CELF1: variants seen among roughly 807,000 people sequenced by gnomAD.
The protein encoded by CELF1 is 50 kDa nuclear polyadenylated RNA-binding protein.
In CELF1, 10 loss-of-function variants were observed where a neutral mutation model predicts 61.8. The ratio of observed to expected loss-of-function variants is 0.16; its 90% confidence interval spans 0.10 to 0.27. The LOEUF (loss-of-function observed/expected upper bound fraction) is 0.27. CELF1 is among the 10% of genes least tolerant of loss of function. The pLI is 1.00. For missense variants in CELF1, 380 were observed against 639.1 expected (o/e 0.59, Z 4.37); for synonymous variants, 236 against 225.1 (o/e 1.05, Z -0.43).
chr11:47,483,340 G>T, intron 8 of CELF1, 113 bp downstream of exon 8: 1 of 773,326 alleles, frequency 1.3e-6, no homozygotes, highest in East Asian at 2.5e-5. Context: ...TAAGATGTTG[G>T]CTGTTTAACC....
Position 47,493,626 on chromosome 11 carries a change from A to G in CELF1, c.72-4602T>C, listed in dbSNP as rs533873348. On this transcript the variant is annotated intron_variant, in intron 3 of 14. Transcript: ENST00000687097. ...AATTTTTACAGAAATTAGACTGAGC[A>G]ATTTTGTATTTGTTCAGTCTAGTAA... 1.2e-4 allele frequency among the ~76,000 whole-genome samples: 18 copies of G among 152,208 alleles called. No individual in the cohort carries two copies. In the South Asian group the frequency reaches 2.9e-3, roughly 25 times the overall value.
chr11:47,539,779 G>A (rs1016295697), intron 1 of CELF1, among the ~76,000 whole-genome samples: 6 of 152,164 alleles, frequency 3.9e-5, no homozygotes, highest in African/African-American at 1.4e-4. Flanking sequence ...GCATGTGGAT[G>A]GCTGCCCTCT....
At chr11:47,563,282 T>C (rs1369284971) in intron 2 of CELF1, among the ~76,000 whole-genome samples, 1 of 152,036 alleles carries the variant, frequency 6.6e-6, no homozygotes, top group African/African-American at 2.4e-5. Context: ...TGTAAATCTA[T>C]ACAGTCAGAA....
intron 1 of CELF1, among the ~76,000 whole-genome samples, chr11:47,526,387 A>G (rs575827339): frequency 6.6e-6 from 1 of 152,214 alleles, no homozygotes; most frequent in Non-Finnish European, 1.5e-5. Flanking sequence ...GAACAAGATG[A>G]TTTCTAAGAT....
At chr11:47,478,029 T>C (rs1462419006) in intron 10 of CELF1, among the ~76,000 whole-genome samples, 1 of 151,786 alleles carries the variant, frequency 6.6e-6, no homozygotes, top group Non-Finnish European at 1.5e-5. Context: ...GAATCTAAAC[T>C]GTGCTGTCGC....
chr11:47,509,858 C>G (rs2094921355), intron 1 of CELF1, among the ~76,000 whole-genome samples: 1 of 149,058 alleles, frequency 6.7e-6, no homozygotes, highest in Non-Finnish European at 1.5e-5. Flanking sequence ...GAAACCCTAT[C>G]TCTACTAAAA....
rs772774823 is a variant in CELF1, at chr11:47,475,376, C to T, written c.1233G>A (p.Leu411=). The T allele has an allele frequency of 1.2e-6, 2 of 1,614,010 alleles. No individual in the cohort carries two copies. The highest frequency in any genetic ancestry group is 2.2e-5 in the South Asian group (2 of 91,048). ...ALPTLYNQNL[L]TQQSIGAAGS... ...CAGCAGCACCAATACTCTGCTGTGT[C>T]AGAAGATTCTGGTTGTACAGAGTGG... The change falls in exon 13 of 15, where the codon CTG becomes CTA. Residue 411 remains leucine (L), a synonymous_variant. Transcript: ENST00000687097.
chr11:47,536,583 G>A (rs973353654), intron 1 of CELF1, among the ~76,000 whole-genome samples: 2 of 152,008 alleles, frequency 1.3e-5, no homozygotes, highest in East Asian at 3.9e-4. Flanking sequence ...CCAACATGGC[G>A]AAAACCCGTC....
chr11:47,541,769 CGAA>C lies in CELF1; in HGVS notation c.-154+11220_-154+11222del, dbSNP rs2096801339. 4.4e-4 allele frequency among the ~76,000 whole-genome samples: 4 copies of C among 9,128 alleles called. 1 individual carries two copies. The highest frequency in any genetic ancestry group is 1.1e-3 in the African/African-American group (4 of 3,558). 6.0% of individuals were successfully genotyped at this position (9,128 alleles called of 152,430 possible). On this transcript the variant is annotated intron_variant, in intron 1 of 14. Transcript: ENST00000687097. ...AAGAAAGAAAGAACGAAAGAAAGAA[CGAA>C]AGAAAGAACGAAAGAAAGAACGAAA...
chr11:47,480,981 C>G (rs1441059883), intron 9 of CELF1, among the ~76,000 whole-genome samples: 1 of 150,584 alleles, frequency 6.6e-6, no homozygotes, highest in East Asian at 2.0e-4. Context: ...CCAACCTGGG[C>G]AACAGAGCGA....
chr11:47,472,937 A>G, intron 14 of CELF1, 151 bp downstream of exon 14: 1 of 724,846 alleles, frequency 1.4e-6, no homozygotes, highest in South Asian at 2.1e-5. Flanking sequence ...GCAATGAGAA[A>G]CTGGGGCTCA....
chr11:47,564,171 CAAAAA>C (rs779009192), intron 2 of CELF1, among the ~76,000 whole-genome samples: 11 of 62,944 alleles, frequency 1.7e-4, no homozygotes, highest in East Asian at 5.0e-4. Context: ...ACTAAAAATA[CAAAAA>C]AAAAAAAAAA....
chr11:47,553,506 C>T (rs2097189954), upstream of CELF1, among the ~76,000 whole-genome samples: 1 of 152,216 alleles, frequency 6.6e-6, no homozygotes, highest in African/African-American at 2.4e-5. Flanking sequence ...CCCTACTGGG[C>T]ACTGAATAGG....
intron 1 of CELF1, among the ~76,000 whole-genome samples, chr11:47,518,210 T>C (rs945713910): frequency 5.3e-5 from 8 of 152,192 alleles, no homozygotes; most frequent in Admixed American, 2.0e-4. Flanking sequence ...GATCCAGCAG[T>C]ATATCATAAT....
At position 47,541,686 on chromosome 11, in the gene CELF1, CAAAGAAAGAAAGAAAG is replaced by C. The variant is rs1555190315; in HGVS notation, c.-154+11290_-154+11305del. Among the ~76,000 whole-genome samples, 2 of 11,648 alleles carry C rather than the reference CAAAGAAAGAAAGAAAG, an allele frequency of 1.7e-4. 1 individual carries two copies. The highest frequency in any genetic ancestry group is 2.6e-4 in the African/African-American group (2 of 7,722). The allele number at this position is 11,648 out of a possible 152,430, so 7.6% of individuals were successfully genotyped here. ...GAGCCTGGTGACAGGGCGAGACTGT[CAAAGAAAGAAAGAAAG>C]AAAGAAAGAAAGAAAGAAAGAAAGA... On this transcript the variant is annotated intron_variant, in intron 1 of 14. Transcript: ENST00000687097.
chr11:47,512,452 A>ATT (rs35542082), intron 1 of CELF1, among the ~76,000 whole-genome samples: 2 of 112,784 alleles, frequency 1.8e-5, no homozygotes, highest in African/African-American at 6.6e-5. Flanking sequence ...CGTGCCCAGA[A>ATT]TTTTTTTTTT....
chr11:47,519,059 CAGTT>C, intron 1 of CELF1, among the ~76,000 whole-genome samples: 1 of 152,326 alleles, frequency 6.6e-6, no homozygotes, highest in Admixed American at 6.5e-5. Context: ...CTTCCTGAGA[CAGTT>C]AGGTTATAGG....
At chr11:47,519,844 C>T (rs1411103057) in intron 1 of CELF1, among the ~76,000 whole-genome samples, 6 of 149,990 alleles carry the variant, frequency 4.0e-5, no homozygotes, top group Non-Finnish European at 5.9e-5. Flanking sequence ...GCCTGGGCGA[C>T]GGAGCCAGAC....
chr11:47,533,609 C>T (rs2096545184), intron 1 of CELF1, among the ~76,000 whole-genome samples: 1 of 148,620 alleles, frequency 6.7e-6, no homozygotes, highest in East Asian at 2.0e-4. Flanking sequence ...GGCTACAGAG[C>T]GAGACTCCAT....
Sources: allele counts gnomAD v4.1 joint callset (sites outside exome capture counted in the v4.1 genomes callset), GRCh38; gene constraint gnomAD v4.1.1; transcripts MANE v1.5; gene names NCBI Gene and HGNC (gene_info 2026-07-23, HGNC 2026-07-21).